The following CSNK1G3 variants were observed in gnomAD, a reference collection of about 807,000 sequenced individuals.
CSNK1G3 encodes the protein casein kinase I isoform gamma-3.
A neutral mutation model predicts 64.3 loss-of-function variants in CSNK1G3; 23 were observed. The observed-to-expected ratio is 0.36, with a 90% CI of 0.26 to 0.51. The LOEUF (loss-of-function observed/expected upper bound fraction) is 0.51. Ranked by LOEUF, CSNK1G3 falls within the 20% of genes least tolerant of loss-of-function variation. CSNK1G3 has a pLI of 0.96. For missense variants in CSNK1G3, 357 were observed against 510.5 expected (o/e 0.70, Z 2.90); for synonymous variants, 158 against 162.2 (o/e 0.97, Z 0.20).
At chr5:123,532,597 T>C (rs1483275188) in intron 1 of CSNK1G3, among the ~76,000 whole-genome samples, 2 of 151,882 alleles carry the variant, frequency 1.3e-5, no homozygotes, top group South Asian at 2.1e-4. Flanking sequence ...ATGGATTTCA[T>C]GTTAAGAACT....
At chr5:123,611,202 C>T (rs1796272766) in intron 12 of CSNK1G3, among the ~76,000 whole-genome samples, 1 of 152,112 alleles carries the variant, frequency 6.6e-6, no homozygotes, top group Non-Finnish European at 1.5e-5. Flanking sequence ...GTTAAAACAT[C>T]AATTTACTTC....
chr5:123,604,606 T>A, intron 10 of CSNK1G3, 118 bp from the exon 12 acceptor site: 1 of 527,308 alleles, frequency 1.9e-6, no homozygotes, highest in South Asian at 3.3e-5. Flanking sequence ...ACATTAACTT[T>A]CTAATTGAAA....
At chr5:123,578,336 T>C (rs1267334246) in intron 6 of CSNK1G3, among the ~76,000 whole-genome samples, 1 of 151,908 alleles carries the variant, frequency 6.6e-6, no homozygotes, top group Non-Finnish European at 1.5e-5. Context: ...GAGTTGTCAG[T>C]CTTTTTCATT....
chr5:123,601,934 T>C (rs942404659), intron 10 of CSNK1G3, among the ~76,000 whole-genome samples: 4 of 152,178 alleles, frequency 2.6e-5, no homozygotes, highest in Non-Finnish European at 5.9e-5. Flanking sequence ...TACTACTTTG[T>C]GTCTCCTTTC....
chr5:123,570,064 G>A (rs886163399), intron 4 of CSNK1G3, among the ~76,000 whole-genome samples: 4 of 152,076 alleles, frequency 2.6e-5, no homozygotes, highest in African/African-American at 7.2e-5. Context: ...AACATTCTTA[G>A]CATGGTTTCT....
At chr5:123,585,569 A>C (rs978684512) in intron 6 of CSNK1G3, among the ~76,000 whole-genome samples, 3 of 152,242 alleles carry the variant, frequency 2.0e-5, no homozygotes, top group African/African-American at 4.8e-5. Context: ...TTGGCAAAAC[A>C]TATCTGAAAA....
chr5:123,534,994 C>G (rs563640748), intron 1 of CSNK1G3, among the ~76,000 whole-genome samples: 2 of 152,136 alleles, frequency 1.3e-5, no homozygotes, highest in Admixed American at 6.6e-5. Context: ...GCTTTAAAAG[C>G]ACGACCGTGA....
intron 12 of CSNK1G3, among the ~76,000 whole-genome samples, chr5:123,610,689 T>C (rs1306577512): frequency 2.0e-5 from 3 of 152,154 alleles, no homozygotes; most frequent in African/African-American, 7.2e-5. Flanking sequence ...GGACTTAACA[T>C]ATATTCCCAA....
chr5:123,603,923 A>G (rs1206011637), intron 10 of CSNK1G3, among the ~76,000 whole-genome samples: 1 of 152,126 alleles, frequency 6.6e-6, no homozygotes, highest in African/African-American at 2.4e-5. Context: ...CGGGAAGCCA[A>G]CAGTTGGAGA....
At chr5:123,556,988 A>G (rs1784769331) in intron 3 of CSNK1G3, among the ~76,000 whole-genome samples, 2 of 152,206 alleles carry the variant, frequency 1.3e-5, no homozygotes, top group African/African-American at 4.8e-5. Flanking sequence ...TATGGAGTTA[A>G]TATGTATTTA....
At chr5:123,610,812 C>T (rs1033566756) in intron 12 of CSNK1G3, among the ~76,000 whole-genome samples, 10 of 151,906 alleles carry the variant, frequency 6.6e-5, no homozygotes, top group Non-Finnish European at 1.5e-4. Flanking sequence ...GTTGTCTCCA[C>T]TAAAAATAAT....
intron 8 of CSNK1G3, 125 bp downstream of exon 8, chr5:123,588,636 G>A: frequency 1.4e-6 from 1 of 691,164 alleles, no homozygotes; most frequent in Admixed American, 3.0e-5. Context: ...ATGATTTAAA[G>A]GTTGTCAGCA....
At chr5:123,616,144 A>C (rs955181285) in exon 13 of CSNK1G3, 2 of 152,428 alleles carry the variant, frequency 1.3e-5, no homozygotes, top group African/African-American at 4.8e-5. Context: ...AATTTGGTCA[A>C]CAGTTTCTAT....
chr5:123,575,722 A>T lies in CSNK1G3; in HGVS notation c.439-7A>T. The T allele has an allele frequency of 6.3e-7, 1 of 1,596,494 alleles. No homozygotes were observed. The highest frequency in any genetic ancestry group is 1.7e-4 in the Middle Eastern group (1 of 5,990). On this transcript the variant is annotated splice_region_variant and splice_polypyrimidine_tract_variant and intron_variant, in intron 5 of 12. Transcript: ENST00000345990. ...TAAAACTTCTCTTCTTTTTTTCTTA[A>T]ACCAAGATTTCTCGCATGGAATATG... is the stretch of plus-strand genomic sequence containing the variant.
Position 123,556,351 on chromosome 5 carries a change from A to C in CSNK1G3, c.220-1144A>C, listed in dbSNP as rs975656527. Among the ~76,000 whole-genome samples the C allele has an allele frequency of 2.0e-5, 3 of 152,078 alleles. No homozygotes were observed. In the East Asian group the frequency reaches 5.8e-4, roughly 29 times the overall value. The stretch of plus-strand genomic sequence containing the variant: ...TCAATTCTGGAATATTCATAGCAAT[A>C]ATTTATCCAGTTATTGCATCTGCTC... On this transcript the variant is annotated intron_variant, in intron 3 of 12. Transcript: ENST00000345990.
chr5:123,540,272 G>A (rs761451814), intron 1 of CSNK1G3, among the ~76,000 whole-genome samples: 14 of 150,828 alleles, frequency 9.3e-5, no homozygotes, highest in Admixed American at 2.6e-4. Context: ...TTATTTTTCC[G>A]TTTATCAGCT....
At chr5:123,527,769 G>A (rs1779325807) in intron 1 of CSNK1G3, among the ~76,000 whole-genome samples, 1 of 152,080 alleles carries the variant, frequency 6.6e-6, no homozygotes, top group South Asian at 2.1e-4. Context: ...AGCATTATAG[G>A]GAATGACCTG....
intron 1 of CSNK1G3, among the ~76,000 whole-genome samples, chr5:123,517,775 G>C (rs1777423070): frequency 6.6e-6 from 1 of 152,224 alleles, no homozygotes; most frequent in East Asian, 1.9e-4. Flanking sequence ...GTAATAAAAT[G>C]TATAGAGTTT....
At chr5:123,513,080 G>C (rs143270850) in intron 1 of CSNK1G3, among the ~76,000 whole-genome samples, 2 of 152,100 alleles carry the variant, frequency 1.3e-5, no homozygotes, top group Admixed American at 1.3e-4. Flanking sequence ...TAAACTTCCC[G>C]TTGGAGTGTT....
Sources: gnomAD v4.1 joint callset for allele counts (sites outside exome capture counted in the v4.1 genomes callset) on GRCh38, gnomAD v4.1.1 for gene constraint, MANE v1.5 for transcripts, NCBI Gene and HGNC (gene_info 2026-07-23, HGNC 2026-07-21) for gene names.